Variants in NOS1 observed in about 807,000 individuals in gnomAD.
The protein encoded by NOS1 is NOS type I.
NOS1 carries 51 observed loss-of-function variants against 164.5 expected under a neutral mutation model. The ratio of observed to expected loss-of-function variants is 0.31; its 90% CI spans 0.25 to 0.39. NOS1 has a LOEUF of 0.39. NOS1 is among the 10% of genes least tolerant of loss of function. The pLI is 1.00. For synonymous variants in NOS1, 719 were observed against 745.8 expected (o/e 0.96, Z 0.59); for missense variants, 1,362 against 1,885.6 (o/e 0.72, Z 5.14).
rs1037357235 is a variant in NOS1 at position 117,211,151 on chromosome 12, G to GTTT, written c.*4155_*4157dup. The GTTT allele has an allele frequency of 2.0e-5, 14 of 710,494 alleles. No individual in the cohort carries two copies. The highest frequency in any genetic ancestry group is 2.2e-5 in the Non-Finnish European group (13 of 579,484). 44.0% of individuals were successfully genotyped at this position (710,494 alleles called of 1,614,324 possible). ...TTTGTATTTTCTTAGTAGAGTCAGG[G>GTTT]TTTCTACTAACTGGCTGACTGGTCT... is the stretch of plus-strand genomic sequence containing the variant. On this transcript the variant is annotated 3_prime_UTR_variant, in exon 29 of 29. Coordinates refer to ENST00000317775, the MANE Select transcript of NOS1 (RefSeq NM_000620.5).
Position 117,253,709 on chromosome 12 carries a change from G to T in NOS1, c.2577C>A (p.Ser859=). 2 of 1,613,986 alleles carry T rather than the reference G, an allele frequency of 1.2e-6. No homozygotes were observed. Among genetic ancestry groups the T allele is most frequent in the Admixed American group, 3.3e-5 (2 of 59,996 alleles). ...RFNSVSSYSD[S]QKSSGDGPDL... The stretch of plus-strand genomic sequence containing the variant: ...CGGGCCCATCGCCTGATGATTTTTG[G>T]GAGTCAGAGTAGGAGGAGACGCTGT... Residue 859 remains serine, a synonymous_variant, in exon 17 of 29, where the codon TCC becomes TCA. Transcript: ENST00000317775.
chr12:117,348,291 T>C (rs912694007), intron 1 of NOS1: 1 of 152,206 alleles, frequency 6.6e-6, no homozygotes, highest in Middle Eastern at 3.2e-3. Context: ...GGGAATGTCA[T>C]GGTTCAGGAT....
At chr12:117,262,871 C>A (rs1030815724) in intron 13 of NOS1, among the ~76,000 whole-genome samples, 2 of 152,108 alleles carry the variant, frequency 1.3e-5, no homozygotes, top group Non-Finnish European at 2.9e-5. Context: ...TCAGGAAAAT[C>A]ACTCCTCAGT....
At chr12:117,297,626 A>G (rs1873510459) in intron 3 of NOS1, among the ~76,000 whole-genome samples, 2 of 152,034 alleles carry the variant, frequency 1.3e-5, no homozygotes, top group South Asian at 4.1e-4. Flanking sequence ...TCCCGACCTC[A>G]GGTATCCGCC....
chr12:117,224,936 T>C (rs972229681), intron 25 of NOS1, 80 bp downstream of exon 25: 5 of 1,578,178 alleles, frequency 3.2e-6, no homozygotes, highest in Non-Finnish European at 4.4e-6. Flanking sequence ...ACCTTCACTG[T>C]TCTCTAGGGC....
In NOS1 at chr12:117,213,389, TC is replaced by T; in HGVS notation, c.*1919del. The T allele has an allele frequency of 1.0e-6, 1 of 985,476 alleles. No individual in the cohort carries two copies. The highest frequency in any genetic ancestry group is 1.2e-6 in the Non-Finnish European group (1 of 829,968). 61.0% of individuals were successfully genotyped at this position (985,476 alleles called of 1,614,324 possible). A position where few individuals can be genotyped will look rare whatever the true frequency, so the allele number is the denominator to read the frequency against. ...TGAGTGTGGGATGCTAAGTGTTTGTTCTTTATATCTGTGGAAGAGTGAGCAG... is the reference window on the plus strand; with the variant it reads ...TGAGTGTGGGATGCTAAGTGTTTGTTTTTATATCTGTGGAAGAGTGAGCAG... On this transcript the variant is annotated 3_prime_UTR_variant, in exon 29 of 29. Coordinates refer to ENST00000317775, the MANE Select transcript of NOS1 (RefSeq NM_000620.5).
chr12:117,348,955 CT>C (rs1193646768), intron 1 of NOS1, among the ~76,000 whole-genome samples: 1 of 152,172 alleles, frequency 6.6e-6, no homozygotes, highest in African/African-American at 2.4e-5. Context: ...TGTCAATCTT[CT>C]GTTCTTGATA....
chr12:117,325,001 G>C (rs911890686), intron 2 of NOS1, among the ~76,000 whole-genome samples: 2 of 152,246 alleles, frequency 1.3e-5, no homozygotes, highest in Non-Finnish European at 2.9e-5. Context: ...GAAAGAAAAT[G>C]GGGACAACAG....
At chr12:117,257,383 A>T (rs1435136971) in intron 16 of NOS1, among the ~76,000 whole-genome samples, 1 of 152,114 alleles carries the variant, frequency 6.6e-6, no homozygotes, top group Non-Finnish European at 1.5e-5. Context: ...GTGCCCAGCC[A>T]TCAATGGTAA....
At chr12:117,217,101 G>A (rs1956623860) in intron 28 of NOS1, among the ~76,000 whole-genome samples, 1 of 152,138 alleles carries the variant, frequency 6.6e-6, no homozygotes, top group African/African-American at 2.4e-5. Flanking sequence ...TGAGACCCGG[G>A]CACAGTCTTC....
At position 117,220,875 on chromosome 12, in the gene NOS1, G is replaced by C. The variant is rs1032351810; in HGVS notation, c.3976-606C>G. ...CATTTGTTCAGGATGTCTTTAACTT[G>C]TCCAGGAAACTCCCACTCTGAAGCT... On this transcript the variant is annotated intron_variant, in intron 26 of 28. Transcript: ENST00000317775. 2.6e-5 allele frequency among the ~76,000 whole-genome samples: 4 copies of C among 152,114 alleles called. No homozygotes were observed. The East Asian group carries it at 7.7e-4, about 29-fold the overall frequency.
chr12:117,360,910 AACG>A (rs1877111393), intron 1 of NOS1, among the ~76,000 whole-genome samples: 1 of 151,912 alleles, frequency 6.6e-6, no homozygotes, highest in Admixed American at 6.5e-5. Flanking sequence ...GCGGCTGAGG[AACG>A]ACTAGGGTCT....
intron 8 of NOS1, among the ~76,000 whole-genome samples, chr12:117,278,502 C>A (rs9658372): frequency 0.015 from 2,287 of 152,256 alleles, 56 homozygotes; most frequent in African/African-American, 0.051. Context: ...CATCTGCAGG[C>A]TGCCAGCTCT....
intron 17 of NOS1, among the ~76,000 whole-genome samples, chr12:117,253,413 G>A (rs1480812037): frequency 2.0e-5 from 3 of 152,114 alleles, no homozygotes; most frequent in Non-Finnish European, 4.4e-5. Context: ...GAGGGAGTGT[G>A]TATATGAAAA....
intron 20 of NOS1, among the ~76,000 whole-genome samples, chr12:117,235,262 T>C (rs1869609111): frequency 6.6e-6 from 1 of 152,140 alleles, no homozygotes; most frequent in African/African-American, 2.4e-5. Context: ...AGTGAACTCC[T>C]CACTGCAAAT....
At chr12:117,245,415 A>G (rs904183006) in intron 18 of NOS1, 2 of 152,204 alleles carry the variant, frequency 1.3e-5, no homozygotes, top group Non-Finnish European at 2.9e-5. Context: ...TCATGATGGA[A>G]AGGTTCTGCA....
At chr12:117,270,001 G>A (rs867827696) in intron 10 of NOS1, among the ~76,000 whole-genome samples, 4 of 152,144 alleles carry the variant, frequency 2.6e-5, no homozygotes, top group Non-Finnish European at 5.9e-5. Flanking sequence ...TCTCAGAGGT[G>A]GAGCCCAGGG....
Position 117,235,093 on chromosome 12 carries a change from T to A in NOS1, c.3042-335A>T, listed in dbSNP as rs117549878. Among the ~76,000 whole-genome samples, 956 of 152,078 alleles carry A rather than the reference T, an allele frequency of 6.3e-3. 6 individuals carry two copies. Among genetic ancestry groups the A allele is most frequent in the Non-Finnish European group, 0.01 (684 of 67,980 alleles). ...CCGTCATGCCTGGGTAATTTTGGAA[T>A]TTTTTGTACAGATGGAATTTCCCTA... On this transcript the variant is annotated intron_variant, in intron 20 of 28. Transcript: ENST00000317775.
At chr12:117,232,162 G>C (rs1318867312) in intron 21 of NOS1, 31 bp from the exon 22 acceptor site, 4 of 1,608,272 alleles carry the variant, frequency 2.5e-6, no homozygotes, top group South Asian at 2.2e-5. Context: ...TGACAGGTGG[G>C]TGTGGGAGGG....
Sources: allele counts gnomAD v4.1 joint callset (sites outside exome capture counted in the v4.1 genomes callset), GRCh38; gene constraint gnomAD v4.1.1; transcripts MANE v1.5; gene names NCBI Gene and HGNC (gene_info 2026-07-23, HGNC 2026-07-21).